ZNF669: variants seen among roughly 807,000 people sequenced by gnomAD.
ZNF669 encodes zinc finger protein 669.
In ZNF669, 7 loss-of-function variants were observed where a neutral mutation model predicts 11.4. That is an observed-to-expected ratio of 0.62 (90% confidence interval 0.35 to 1.16). The LOEUF (loss-of-function observed/expected upper bound fraction) is 1.16, where lower values mean the gene tolerates loss of function less well. Among genes scored for constraint, ZNF669 ranks in the 50% most tolerant of loss-of-function variants. The pLI is 0.02. For synonymous variants in ZNF669, 153 were observed against 155.8 expected, an observed-to-expected ratio of 0.98 and a Z score of 0.13; for missense variants, 492 against 463.6, an observed-to-expected ratio of 1.06 and a Z score of -0.56.
rs767661162 is a variant in ZNF669 at position 247,100,428 on chromosome 1, A to G, written c.1083T>C (p.Ser361=). ...ERSHDIEAGC[S]DSAYNPSTLG... ...AAGTGCTGGGATTATAGGCTGAGTC[A>G]CTACACCCAGCCTCTATATCATGAC... The change falls in exon 4 of 4, where the codon AGT becomes AGC. Residue 361 remains serine, a synonymous_variant. Coordinates refer to ENST00000448299, the MANE Select transcript of ZNF669 (RefSeq NM_001142572.2). 1 of 1,613,946 alleles carries G rather than the reference A, an allele frequency of 6.2e-7. No individual in the cohort carries two copies. The highest frequency in any genetic ancestry group is 8.5e-7 in the Non-Finnish European group (1 of 1,179,862).
chr1:247,102,408 A>C (rs1423379807), intron 1 of ZNF669, among the ~76,000 whole-genome samples: 1 of 152,228 alleles, frequency 6.6e-6, no homozygotes, highest in Non-Finnish European at 1.5e-5. Context: ...GTACATTTCT[A>C]GTATCTGCCA....
At chr1:247,102,602 T>C (rs1313700630) in intron 1 of ZNF669, among the ~76,000 whole-genome samples, 2 of 152,246 alleles carry the variant, frequency 1.3e-5, no homozygotes, top group Non-Finnish European at 2.9e-5. Flanking sequence ...TTATGCAATA[T>C]AGTTGCCAAA....
chr1:247,100,755 T>A lies in ZNF669; in HGVS notation c.756A>T (p.Lys252Asn). Residue 252 changes from lysine (K) to asparagine (N), a missense_variant, in exon 4 of 4, where the codon AAA becomes AAT. Lys to Asn is a moderately conservative substitution (Grantham distance 94). Coordinates refer to ENST00000448299, the MANE Select transcript of ZNF669 (RefSeq NM_001142572.2). The part of the protein sequence containing the change: ...HTGERPYKCT[K>N]CDKAFSCSTS... ...TGGAACAGCTGAAGGCTTTATCACA[T>A]TTGGTACATTTATAGGGTCTTTCTC... is the stretch of plus-strand genomic sequence containing the variant. The A allele has an allele frequency of 6.2e-7, 1 of 1,614,178 alleles. No homozygotes were observed. The highest frequency in any genetic ancestry group is 8.5e-7 in the Non-Finnish European group (1 of 1,180,018).
chr1:247,100,562 T>C lies in ZNF669; in HGVS notation c.949A>G (p.Ser317Gly), dbSNP rs1301607717. ...KQCDQAFSRL[S>G]SLHLHERIHT... ...ATTCTTTCGTGGAGGTGAAGGGAACTGAGGCGACTGAAGGCTTGATCACAT... is the reference window on the plus strand; with the variant it reads ...ATTCTTTCGTGGAGGTGAAGGGAACCGAGGCGACTGAAGGCTTGATCACAT... The change falls in exon 4 of 4, where the codon AGT becomes GGT. Residue 317 changes from serine to glycine, a missense_variant. Coordinates refer to ENST00000448299, the MANE Select transcript of ZNF669 (RefSeq NM_001142572.2). 3 of 1,614,132 alleles carry C rather than the reference T, an allele frequency of 1.9e-6. No homozygotes were observed. Among genetic ancestry groups the C allele is most frequent in the African/African-American group, 1.3e-5 (1 of 74,954 alleles).
chr1:247,100,163 T>G lies in ZNF669; in HGVS notation c.*211A>C. On this transcript the variant is annotated 3_prime_UTR_variant, in exon 4 of 4. Coordinates refer to ENST00000448299, the MANE Select transcript of ZNF669 (RefSeq NM_001142572.2). Reference sequence around the variant, plus strand: ...CCACGCCCAGCTAATTTTTTGTATTTTTAGTAGAGACGGGGTTTCACCGTG... The same window carrying G: ...CCACGCCCAGCTAATTTTTTGTATTGTTAGTAGAGACGGGGTTTCACCGTG... The G allele has an allele frequency of 2.2e-6, 1 of 448,114 alleles. No individual in the cohort carries two copies. Among genetic ancestry groups the G allele is most frequent in the Non-Finnish European group, 3.9e-6 (1 of 253,392 alleles). 27.8% of individuals were successfully genotyped at this position (448,114 alleles called of 1,614,324 possible). A position where few individuals can be genotyped will look rare whatever the true frequency, so the allele number is the denominator to read the frequency against.
At position 247,100,393 on chromosome 1, in the gene ZNF669, T is replaced by C; in HGVS notation, c.1118A>G (p.Gln373Arg). ...SAYNPSTLGG[Q>R]GVWIA The stretch of plus-strand genomic sequence containing the variant: ...CTGGGCTCAAGCAATCCACACGCCT[T>C]GGCCTCCCAAAGTGCTGGGATTATA... Residue 373 changes from glutamine (Q) to arginine (R), a missense_variant, in exon 4 of 4, where the codon CAA becomes CGA. By Grantham distance (43) the Gln-to-Arg change is conservative. Transcript: ENST00000448299. 1 of 1,605,612 alleles carries C rather than the reference T, an allele frequency of 6.2e-7. No homozygotes were observed. Among genetic ancestry groups the C allele is most frequent in the Non-Finnish European group, 8.5e-7 (1 of 1,174,360 alleles).
At chr1:247,104,069 C>A (rs1204479831) in intron 1 of ZNF669, 128 bp downstream of exon 1, 3 of 1,583,274 alleles carry the variant, frequency 1.9e-6, no homozygotes, top group African/African-American at 2.7e-5. Flanking sequence ...GAGGACTGAG[C>A]CCCGGCTACG....
At position 247,100,872 on chromosome 1, in the gene ZNF669, A is replaced by G. The variant is rs779247422; in HGVS notation, c.639T>C (p.Thr213=). The change falls in exon 4 of 4, where the codon ACT becomes ACC. Residue 213 remains threonine (T), a synonymous_variant. Coordinates refer to ENST00000448299, the MANE Select transcript of ZNF669 (RefSeq NM_001142572.2). ...VSGSCLIHER[T]HTGEKPYECK... ...ATTCGTAGGGTTTCTCTCCAGTGTG[A>G]GTTCGTTCATGTATTAGACAAGAAC... 1 of 1,614,184 alleles carries G rather than the reference A, an allele frequency of 6.2e-7. No homozygotes were observed. The highest frequency in any genetic ancestry group is 8.5e-7 in the Non-Finnish European group (1 of 1,180,038).
rs1457035396 is a variant in ZNF669 at position 247,100,966 on chromosome 1, T to C, written c.545A>G (p.His182Arg). The C allele has an allele frequency of 2.5e-6, 4 of 1,613,286 alleles. No homozygotes were observed. The highest frequency in any genetic ancestry group is 2.2e-5 in the South Asian group (2 of 90,928). The change falls in exon 4 of 4, where the codon CAT (histidine) becomes CGT (arginine). Residue 182 changes from histidine to arginine, a missense_variant. His to Arg is a conservative substitution (Grantham distance 29, BLOSUM62 0). Transcript: ENST00000448299. ...TTTTTCTCCTGTGTGAGTTCTCTGA[T>C]GTCTTTCAACTGAATTGAGAAAATA... The part of the protein sequence containing the change: ...AFYFLNSVER[H>R]QRTHTGEKPY...
chr1:247,103,933 C>T (rs1671783064), intron 1 of ZNF669: 2 of 1,595,696 alleles, frequency 1.3e-6, no homozygotes, highest in Non-Finnish European at 1.7e-6. Context: ...GTGGTCACCA[C>T]ACTACCTGGA....
chr1:247,103,896 G>A (rs1299192655), intron 1 of ZNF669: 3 of 1,543,030 alleles, frequency 1.9e-6, no homozygotes, highest in African/African-American at 2.7e-5. Context: ...GAGACACCGA[G>A]TCGGGGCTCT....
rs900172970 is a variant in ZNF669, at chr1:247,100,919, C to T, written c.592G>A (p.Gly198Ser). 4 of 1,613,850 alleles carry T rather than the reference C, an allele frequency of 2.5e-6. No individual in the cohort carries two copies. The African/African-American group carries it at 5.3e-5, about 22-fold the overall frequency. ...GAACCGGAAACAGTGAATGCTTTAC[C>T]ACATTGTTTACATTTATAGGGTTTT... is the stretch of plus-strand genomic sequence containing the variant. ...GEKPYKCKQC[G>S]KAFTVSGSCL... Residue 198 changes from glycine (G) to serine (S), a missense_variant, in exon 4 of 4, where the codon GGT (glycine) becomes AGT (serine). Transcript: ENST00000448299.
intron 3 of ZNF669, 152 bp from the exon 4 acceptor site, chr1:247,101,471 T>C (rs1209184538): frequency 9.8e-7 from 1 of 1,024,434 alleles, no homozygotes; most frequent in Non-Finnish European, 1.4e-6. Flanking sequence ...AATGGGTTAC[T>C]ACTGAAAACA....
chr1:247,103,632 C>CAAAA (rs58671011), intron 1 of ZNF669, among the ~76,000 whole-genome samples: 7 of 49,978 alleles, frequency 1.4e-4, no homozygotes, highest in Non-Finnish European at 2.6e-4. Context: ...ATTCCGTCTC[C>CAAAA]AAAAAAAAAA....
rs1314017936 is a variant in ZNF669 at position 247,104,333 on chromosome 1, A to T, written c.-134T>A. ...ACTAGCAGCGGAGACTAACAGGAAG[A>T]GCCGGCTCCGGCGAAGGAGAGACAA... On this transcript the variant is annotated 5_prime_UTR_variant, in exon 1 of 4. Transcript: ENST00000448299. 10 of 1,254,938 alleles carry T rather than the reference A, an allele frequency of 8.0e-6. No individual in the cohort carries two copies. Among genetic ancestry groups the T allele is most frequent in the Non-Finnish European group, 8.3e-6 (8 of 958,246 alleles). The allele number at this position is 1,254,938 out of a possible 1,614,324, so 77.7% of individuals were successfully genotyped here. A position where few individuals can be genotyped will look rare whatever the true frequency, so the allele number is the denominator to read the frequency against.
Position 247,100,952 on chromosome 1 carries a change from T to G in ZNF669, c.559A>C (p.Thr187Pro). ...NSVERHQRTH[T>P]GEKPYKCKQC... ...TTACATTTATAGGGTTTTTCTCCTG[T>G]GTGAGTTCTCTGATGTCTTTCAACT... The change falls in exon 4 of 4, where the codon ACA becomes CCA. Residue 187 changes from threonine to proline, a missense_variant. By Grantham distance (38) the Thr-to-Pro change is conservative (BLOSUM62 -1). Coordinates refer to ENST00000448299, the MANE Select transcript of ZNF669 (RefSeq NM_001142572.2). 6.2e-7 allele frequency: 1 copy of G among 1,613,444 alleles called. No individual in the cohort carries two copies. The highest frequency in any genetic ancestry group is 8.5e-7 in the Non-Finnish European group (1 of 1,179,870).
Position 247,100,694 on chromosome 1 carries a change from CTCCA to C in ZNF669, c.813_816del (p.Gly272ArgfsTer16). The C allele has an allele frequency of 6.2e-7, 1 of 1,614,184 alleles. No individual in the cohort carries two copies. Among genetic ancestry groups the C allele is most frequent in the Non-Finnish European group, 8.5e-7 (1 of 1,180,034 alleles). On this transcript the variant is annotated frameshift_variant, in exon 4 of 4. Coordinates refer to ENST00000448299, the MANE Select transcript of ZNF669 (RefSeq NM_001142572.2). LOFTEE classifies it low-confidence loss of function (END_TRUNC). ...CATTGTTTACACTCATAGGGTCTCT[CTCCA>C]GTATGAATGCTTCCATGGTAACGAA...
At position 247,101,739 on chromosome 1, in the gene ZNF669, T is replaced by C; in HGVS notation, c.183A>G (p.Lys61=). Residue 61 remains lysine (K), a synonymous_variant, in exon 3 of 4, where the codon AAA becomes AAG. Coordinates refer to ENST00000448299, the MANE Select transcript of ZNF669 (RefSeq NM_001142572.2). ...NIEDHFEKPG[K]DIRNHIVQRL... ...TGCTCAGTGCAAATTACCTTATATC[T>C]TTCCCAGGTTTTTCGAAGTGATCTT... The C allele has an allele frequency of 1.2e-6, 2 of 1,614,000 alleles. No individual in the cohort carries two copies. Among genetic ancestry groups the C allele is most frequent in the Non-Finnish European group, 1.7e-6 (2 of 1,179,964 alleles).
In ZNF669 at chr1:247,104,303, C is replaced by T. The variant is rs1671798841; in HGVS notation, c.-104G>A. 7.2e-7 allele frequency: 1 copy of T among 1,380,290 alleles called. No homozygotes were observed. 85.5% of individuals were successfully genotyped at this position (1,380,290 alleles called of 1,614,324 possible). On this transcript the variant is annotated 5_prime_UTR_variant, in exon 1 of 4. Transcript: ENST00000448299. ...CAGAGCCACCTGGGCCTCCCAGAGC[C>T]AAGAACTAGCAGCGGAGACTAACAG...
Sources: gnomAD v4.1 joint callset for allele counts (sites outside exome capture counted in the v4.1 genomes callset) on GRCh38, gnomAD v4.1.1 for gene constraint, MANE v1.5 for transcripts, NCBI Gene and HGNC (gene_info 2026-07-23, HGNC 2026-07-21) for gene names.